The following DCC variants were observed in gnomAD, a reference collection of about 807,000 sequenced individuals.
DCC encodes the protein DCC netrin 1 receptor.
In DCC, 58 loss-of-function variants were observed where a neutral mutation model predicts 172.5. The ratio of observed to expected loss-of-function variants is 0.34; its 90% CI spans 0.27 to 0.42. The LOEUF is 0.42. Among genes scored for constraint, DCC ranks in the 10% least tolerant of loss-of-function variants. The pLI, the probability that DCC is intolerant of heterozygous loss-of-function variation, is 1.00. For synonymous variants in DCC, 709 were observed against 644.5 expected, an observed-to-expected ratio of 1.10 and a Z score of -1.52; for missense variants, 1,740 against 1,791.0, an observed-to-expected ratio of 0.97 and a Z score of 0.51.
rs2056896292 is a variant in DCC, at chr18:53,283,434, T to C, written c.1912-22144T>C. On this transcript the variant is annotated intron_variant, in intron 12 of 28. Coordinates refer to ENST00000442544, the MANE Select transcript of DCC (RefSeq NM_005215.4). ...AGGCTCAGAGTCTTTAATTATAACA[T>C]TAATATAGGAAGGACACGTTTACTG... Among the ~76,000 whole-genome samples, 2 of 152,268 alleles carry C rather than the reference T, an allele frequency of 1.3e-5. 1 individual carries two copies. The highest frequency in any genetic ancestry group is 3.9e-4 in the East Asian group (2 of 5,184).
intron 5 of DCC, among the ~76,000 whole-genome samples, chr18:53,000,585 C>CTTT (rs71175543): frequency 1.0e-5 from 1 of 99,014 alleles, no homozygotes; most frequent in Admixed American, 1.1e-4. Context: ...AGCTTACATT[C>CTTT]TTTTTTTTTT....
intron 12 of DCC, among the ~76,000 whole-genome samples, chr18:53,221,417 A>G: frequency 6.6e-6 from 1 of 152,188 alleles, no homozygotes; most frequent in Non-Finnish European, 1.5e-5. Flanking sequence ...AATAATGTCA[A>G]CTTTGAAAGG....
rs569650440 is a variant in DCC, at chr18:52,611,138, C to T, written c.92-140916C>T. Among the ~76,000 whole-genome samples, 27 of 152,254 alleles carry T rather than the reference C, an allele frequency of 1.8e-4. No homozygotes were observed. In the East Asian group the frequency reaches 2.9e-3, roughly 16 times the overall value. On this transcript the variant is annotated intron_variant, in intron 1 of 28. Transcript: ENST00000442544. Reference sequence around the variant, plus strand: ...CACCTATAAACCTTCAGTGACCCCCCCCTCCTGACAACCACATCTTGTATC... The same window carrying T: ...CACCTATAAACCTTCAGTGACCCCCTCCTCCTGACAACCACATCTTGTATC...
chr18:53,150,041 CTTTG>C (rs2043975256), intron 7 of DCC, among the ~76,000 whole-genome samples: 1 of 152,186 alleles, frequency 6.6e-6, no homozygotes, highest in African/African-American at 2.4e-5. Flanking sequence ...AACACACCTA[CTTTG>C]TTTGGCACAA....
chr18:52,576,192 C>T (rs1375866995), intron 1 of DCC, among the ~76,000 whole-genome samples: 1 of 152,134 alleles, frequency 6.6e-6, no homozygotes, highest in Admixed American at 6.5e-5. Context: ...TGCTAGACGC[C>T]ATTACAGAAT....
chr18:53,317,875 T>C (rs1307530910), intron 13 of DCC, among the ~76,000 whole-genome samples: 3 of 152,170 alleles, frequency 2.0e-5, no homozygotes, highest in African/African-American at 7.2e-5. Flanking sequence ...ATTCTCTCTT[T>C]TCTTCTTTAT....
chr18:53,188,294 C>T (rs1292392467), intron 9 of DCC, among the ~76,000 whole-genome samples: 5 of 152,128 alleles, frequency 3.3e-5, no homozygotes, highest in Non-Finnish European at 2.9e-5. Flanking sequence ...GCATGCTTAT[C>T]CTAAACAATG....
chr18:53,184,200 T>A (rs1267693226), intron 9 of DCC, among the ~76,000 whole-genome samples: 1 of 152,086 alleles, frequency 6.6e-6, no homozygotes. Flanking sequence ...CTCTGCTACT[T>A]TCTCCCTAAT....
chr18:53,469,246 C>T (rs1030216874), intron 25 of DCC, among the ~76,000 whole-genome samples: 12 of 152,252 alleles, frequency 7.9e-5, no homozygotes, highest in Middle Eastern at 3.4e-3. Flanking sequence ...CTGAAAAAAA[C>T]CTGGTAAAAT....
intron 5 of DCC, among the ~76,000 whole-genome samples, chr18:52,927,047 A>ACATATATACG (rs1491166370): frequency 7.8e-6 from 1 of 128,542 alleles, no homozygotes; most frequent in African/African-American, 2.9e-5. Context: ...ATGCCAATAC[A>ACATATATACG]TATATATACA....
At chr18:52,824,328 AC>A (rs1204592971) in intron 2 of DCC, among the ~76,000 whole-genome samples, 4 of 152,200 alleles carry the variant, frequency 2.6e-5, no homozygotes, top group African/African-American at 4.8e-5. Flanking sequence ...GAAAAGAAAA[AC>A]AGTGGTTGGA....
intron 1 of DCC, among the ~76,000 whole-genome samples, chr18:52,558,617 C>G (rs929902719): frequency 2.6e-5 from 4 of 152,078 alleles, no homozygotes; most frequent in African/African-American, 7.2e-5. Flanking sequence ...GTCAGTAGAA[C>G]GGGGTTTATC....
chr18:53,521,650 AC>A (rs765952857), intron 27 of DCC, among the ~76,000 whole-genome samples: 10 of 152,212 alleles, frequency 6.6e-5, no homozygotes, highest in Non-Finnish European at 1.3e-4. Flanking sequence ...TATGCCTTTC[AC>A]TTTTTATTGT....
chr18:53,065,348 A>C (rs1325620425), intron 6 of DCC, among the ~76,000 whole-genome samples: 1 of 152,188 alleles, frequency 6.6e-6, no homozygotes, highest in Admixed American at 6.6e-5. Flanking sequence ...ATTAAATGCT[A>C]TCTCTAGATC....
intron 2 of DCC, among the ~76,000 whole-genome samples, chr18:52,775,755 CTG>C (rs1432026183): frequency 6.6e-6 from 1 of 152,230 alleles, no homozygotes; most frequent in African/African-American, 2.4e-5. Context: ...GTCTGGCCGC[CTG>C]TGTGTCTGCC....
chr18:53,382,796 G>A (rs1322334031), intron 15 of DCC, among the ~76,000 whole-genome samples: 1 of 152,056 alleles, frequency 6.6e-6, no homozygotes, highest in Non-Finnish European at 1.5e-5. Flanking sequence ...GACTACATTA[G>A]ATATAATCTT....
chr18:52,842,227 T>C (rs780068417), intron 2 of DCC, among the ~76,000 whole-genome samples: 11 of 152,078 alleles, frequency 7.2e-5, no homozygotes, highest in Non-Finnish European at 1.3e-4. Flanking sequence ...AAATCTCACA[T>C]GATTATTTTT....
intron 8 of DCC, among the ~76,000 whole-genome samples, chr18:53,166,405 A>G (rs963387685): frequency 6.6e-6 from 1 of 152,154 alleles, no homozygotes; most frequent in African/African-American, 2.4e-5. Context: ...TGTATCAGGA[A>G]TGTGTCAGCA....
Position 53,402,906 on chromosome 18 carries a change from A to T in DCC, c.2935+13A>T. On this transcript the variant is annotated intron_variant, in intron 19 of 28. Coordinates refer to ENST00000442544, the MANE Select transcript of DCC (RefSeq NM_005215.4). ...GGGAAAATTACTGGTAAGCATCTCC[A>T]CTTTCTCTCCCAGCATAGCTCTCCC... The T allele has an allele frequency of 6.4e-7, 1 of 1,566,402 alleles. No homozygotes were observed. The highest frequency in any genetic ancestry group is 8.8e-7 in the Non-Finnish European group (1 of 1,136,688).
Sources: gnomAD v4.1 joint callset for allele counts (sites outside exome capture counted in the v4.1 genomes callset) on GRCh38, gnomAD v4.1.1 for gene constraint, MANE v1.5 for transcripts, NCBI Gene and HGNC (gene_info 2026-07-23, HGNC 2026-07-21) for gene names.